Variants in FHIT observed in about 807,000 individuals in gnomAD.
FHIT encodes the protein bis(5'-adenosyl)-triphosphatase.
In FHIT, 19 loss-of-function variants were observed where a neutral mutation model predicts 17.9. The observed-to-expected ratio is 1.06, with a 90% CI of 0.74 to 1.56. The LOEUF (loss-of-function observed/expected upper bound fraction) is 1.56. Ranked by LOEUF, FHIT falls within the 40% of genes most tolerant of loss-of-function variation. FHIT has a pLI of 0.00. For synonymous variants in FHIT, 81 were observed against 69.7 expected, an observed-to-expected ratio of 1.16 and a Z score of -0.81; for missense variants, 248 against 189.2, an observed-to-expected ratio of 1.31 and a Z score of -1.82.
At chr3:59,790,411 G>A (rs1164577572) in intron 8 of FHIT, among the ~76,000 whole-genome samples, 1 of 152,078 alleles carries the variant, frequency 6.6e-6, no homozygotes, top group African/African-American at 2.4e-5. Context: ...TTTTAAGGTG[G>A]CATGCAATGA....
chr3:61,210,709 C>T (rs11130825), intron 1 of FHIT, among the ~76,000 whole-genome samples: 12,838 of 152,120 alleles, frequency 0.084, 1,168 homozygotes, highest in East Asian at 0.4. Flanking sequence ...TCTGTCACCC[C>T]TCTCTTTTAC....
chr3:60,343,325 T>C (rs1710618178), intron 5 of FHIT, among the ~76,000 whole-genome samples: 1 of 152,110 alleles, frequency 6.6e-6, no homozygotes, highest in South Asian at 2.1e-4. Flanking sequence ...TGGACTTATC[T>C]AATCAAAAGC....
In FHIT at chr3:60,797,783, T is replaced by C. The variant is rs181688792; in HGVS notation, c.-18+24136A>G. On this transcript the variant is annotated intron_variant, in intron 4 of 9. Transcript: ENST00000492590. ...TTAATAAGATTTAATTAAAGTGTCA[T>C]AAAAATCCAGCTACATTGAAATGTT... Among the ~76,000 whole-genome samples the C allele has an allele frequency of 9.6e-4, 146 of 151,714 alleles. 4 individuals carry two copies. The South Asian group carries it at 0.029, about 30-fold the overall frequency.
chr3:60,337,700 C>A (rs1169940284), intron 5 of FHIT, among the ~76,000 whole-genome samples: 3 of 152,118 alleles, frequency 2.0e-5, no homozygotes, highest in African/African-American at 7.2e-5. Context: ...GAGTTATGAT[C>A]CTGGGAGAGA....
chr3:61,028,375 C>A (rs2032843797), intron 3 of FHIT, among the ~76,000 whole-genome samples: 1 of 152,116 alleles, frequency 6.6e-6, no homozygotes. Context: ...AGGCACAGCA[C>A]TGATAGATAC....
chr3:60,636,731 C>A (rs1343280621), intron 4 of FHIT, among the ~76,000 whole-genome samples: 1 of 152,144 alleles, frequency 6.6e-6, no homozygotes, highest in Non-Finnish European at 1.5e-5. Flanking sequence ...CTTTTGGCTA[C>A]TACATAAAAA....
intron 8 of FHIT, among the ~76,000 whole-genome samples, chr3:59,805,220 G>A (rs769626635): frequency 1.3e-5 from 2 of 152,152 alleles, no homozygotes; most frequent in Non-Finnish European, 2.9e-5. Context: ...GTCAAGCCCA[G>A]GACCAGGTGT....
intron 4 of FHIT, among the ~76,000 whole-genome samples, chr3:60,742,114 T>C (rs1339333291): frequency 6.6e-6 from 1 of 152,088 alleles, no homozygotes; most frequent in Non-Finnish European, 1.5e-5. Flanking sequence ...ATCTGTAAAA[T>C]AGCGGGGAAG....
In FHIT at chr3:60,045,614, G is replaced by A. The variant is rs1159377223; in HGVS notation, c.104-31462C>T. On this transcript the variant is annotated intron_variant, in intron 5 of 9. Transcript: ENST00000492590. ...TAATGGAAAATAAAATTTAAAAGAA[G>A]GAAAAAGAATTCTCTCCCCTTCCCT... Among the ~76,000 whole-genome samples, 9 of 152,086 alleles carry A rather than the reference G, an allele frequency of 5.9e-5. No individual in the cohort carries two copies. The East Asian group carries it at 1.7e-3, about 29-fold the overall frequency.
At chr3:60,569,381 T>C (rs2037255520) in intron 4 of FHIT, among the ~76,000 whole-genome samples, 1 of 152,268 alleles carries the variant, frequency 6.6e-6, no homozygotes, top group East Asian at 1.9e-4. Context: ...CCAAAGAGGC[T>C]AACTCCTTTA....
rs928038473 is a variant in FHIT at position 59,747,683 on chromosome 3, C to T, written c.*1902G>A. On this transcript the variant is annotated 3_prime_UTR_variant, in exon 10 of 10. Coordinates refer to ENST00000492590, the MANE Select transcript of FHIT (RefSeq NM_002012.4). ...CCTGTTGGTTTTCAAGACAGACTGT[C>T]GGCAAGCAAAATGTCAGAGGCAAGC... is the stretch of plus-strand genomic sequence containing the variant. Among the ~76,000 whole-genome samples the T allele has an allele frequency of 4.6e-5, 7 of 152,076 alleles. No individual in the cohort carries two copies. Among genetic ancestry groups the T allele is most frequent in the African/African-American group, 9.7e-5 (4 of 41,412 alleles).
chr3:59,750,306 C>G, intron 9 of FHIT: 1 of 225,622 alleles, frequency 4.4e-6, no homozygotes, highest in Non-Finnish European at 8.8e-6. Context: ...TAGCCTCTAC[C>G]TGAAAATACC....
intron 5 of FHIT, among the ~76,000 whole-genome samples, chr3:60,351,779 G>A (rs139482568): frequency 2.4e-4 from 36 of 152,248 alleles, no homozygotes; most frequent in African/African-American, 8.4e-4. Context: ...AGTCATCTTT[G>A]TCATTCTCTG....
At chr3:60,945,524 C>T (rs1180856498) in intron 3 of FHIT, among the ~76,000 whole-genome samples, 1 of 152,144 alleles carries the variant, frequency 6.6e-6, no homozygotes, top group African/African-American at 2.4e-5. Context: ...ACCTGAGTAG[C>T]TGGGATTACA....
intron 7 of FHIT, among the ~76,000 whole-genome samples, chr3:59,950,683 G>A (rs1477054063): frequency 6.6e-6 from 1 of 152,114 alleles, no homozygotes; most frequent in Non-Finnish European, 1.5e-5. Context: ...ACAAACTCAG[G>A]TGAGTTCACT....
intron 5 of FHIT, among the ~76,000 whole-genome samples, chr3:60,252,279 G>A (rs1238906252): frequency 5.3e-5 from 8 of 152,024 alleles, no homozygotes; most frequent in Non-Finnish European, 1.2e-4. Context: ...ACAAACAAAA[G>A]GAACCTGTAA....
intron 7 of FHIT, among the ~76,000 whole-genome samples, chr3:59,956,479 C>A (rs912144704): frequency 6.6e-6 from 1 of 152,136 alleles, no homozygotes; most frequent in African/African-American, 2.4e-5. Flanking sequence ...ACCATCCTGG[C>A]CAACATGGTG....
chr3:60,566,321 C>T (rs1210952202), intron 4 of FHIT, among the ~76,000 whole-genome samples: 8 of 151,958 alleles, frequency 5.3e-5, no homozygotes, highest in South Asian at 2.1e-4. Flanking sequence ...AATCAATAAA[C>T]GTAATCCAGC....
Position 60,519,240 on chromosome 3 carries a change from A to G in FHIT, c.103+17620T>C, listed in dbSNP as rs1171381783. 3.3e-5 allele frequency among the ~76,000 whole-genome samples: 5 copies of G among 151,724 alleles called. No homozygotes were observed. In the East Asian group the frequency reaches 9.6e-4, roughly 29 times the overall value. On this transcript the variant is annotated intron_variant, in intron 5 of 9. Coordinates refer to ENST00000492590, the MANE Select transcript of FHIT (RefSeq NM_002012.4). ...TCTTATGATTAGAAAAAATAAATGA[A>G]AGGTTTAAAAATGGGTTACACTTGA...
Sources: allele counts gnomAD v4.1 joint callset (sites outside exome capture counted in the v4.1 genomes callset), GRCh38; gene constraint gnomAD v4.1.1; transcripts MANE v1.5; gene names NCBI Gene and HGNC (gene_info 2026-07-23, HGNC 2026-07-21).